Variants in XRN2 observed in about 807,000 individuals in gnomAD.
XRN2 encodes 5'-3' exoribonuclease 2.
Under a neutral mutation model 138.5 loss-of-function variants are expected in XRN2, and 44 were observed. The observed-to-expected ratio is 0.32, with a 90% confidence interval of 0.25 to 0.41. The LOEUF is 0.41. XRN2 is among the 10% of genes least tolerant of loss of function. XRN2 has a pLI of 1.00. For synonymous variants in XRN2, 354 were observed against 369.4 expected (o/e 0.96, Z 0.48); for missense variants, 937 against 1,169.3 (o/e 0.80, Z 2.90).
intron 20 of XRN2, 90 bp downstream of exon 20, chr20:21,349,551 T>G (rs2038480487): frequency 8.3e-6 from 9 of 1,080,146 alleles, no homozygotes; most frequent in Non-Finnish European, 8.2e-6. Context: ...TATTTTAGCC[T>G]GGGCAACATG....
chr20:21,331,339 T>TCA (rs943684930), intron 6 of XRN2, among the ~76,000 whole-genome samples: 63 of 151,196 alleles, frequency 4.2e-4, no homozygotes, highest in Non-Finnish European at 7.5e-4. Flanking sequence ...TTGGTGTCTC[T>TCA]CACACACACA....
chr20:21,304,532 G>GC (rs2037788482), intron 1 of XRN2, among the ~76,000 whole-genome samples: 1 of 152,002 alleles, frequency 6.6e-6, no homozygotes, highest in Non-Finnish European at 1.5e-5. Context: ...TAAACAAAAA[G>GC]CAACAGTTCT....
rs2038728171 is a variant in XRN2, at chr20:21,368,518, C to T, written c.2512C>T (p.Pro838Ser). 13 of 1,613,940 alleles carry T rather than the reference C, an allele frequency of 8.1e-6. No homozygotes were observed. Among genetic ancestry groups the T allele is most frequent in the Non-Finnish European group, 1.0e-5 (12 of 1,179,970 alleles). The change falls in exon 27 of 30, where the codon CCT (proline) becomes TCT (serine). Residue 838 changes from proline (P) to serine (S), a missense_variant. Pro to Ser is a moderately conservative substitution (Grantham distance 74, BLOSUM62 -1). Around this residue, in one of 6 missense-constraint regions of XRN2, gnomAD observed 372 missense variants for 414.4 expected, o/e 0.90. Coordinates refer to ENST00000377191, the MANE Select transcript of XRN2 (RefSeq NM_012255.5). The stretch of plus-strand genomic sequence containing the variant: ...CATTTACAGCAATGCTGCACCACCA[C>T]CTGTGACTTACCAGGGAAACTTATA... ...TGIYSNAAPP[P>S]VTYQGNLYRP...
chr20:21,334,187 T>G lies in XRN2; in HGVS notation c.1233+2T>G. 6.2e-7 allele frequency: 1 copy of G among 1,611,346 alleles called. No individual in the cohort carries two copies. The highest frequency in any genetic ancestry group is 8.5e-7 in the Non-Finnish European group (1 of 1,178,428). On this transcript the variant is annotated splice_donor_variant, in intron 13 of 29. Transcript: ENST00000377191. LOFTEE classifies it high-confidence loss of function. ...TTTAAAAAGAGAAAGGATGATGAGG[T>G]AAAGTGTTTCTATTGCAGTAGCTAA...
At chr20:21,351,136 T>G (rs1600700831) in intron 20 of XRN2, among the ~76,000 whole-genome samples, 2 of 152,340 alleles carry the variant, frequency 1.3e-5, no homozygotes, top group East Asian at 1.9e-4. Flanking sequence ...AGGTGACTTG[T>G]CAACTCTGTC....
chr20:21,379,767 C>T (rs1226151961), intron 27 of XRN2, among the ~76,000 whole-genome samples: 1 of 152,188 alleles, frequency 6.6e-6, no homozygotes, highest in Non-Finnish European at 1.5e-5. Flanking sequence ...GTAAACTTTA[C>T]ATTCCAGTTC....
At chr20:21,368,691 C>T in intron 27 of XRN2, 101 bp downstream of exon 27, 1 of 1,458,986 alleles carries the variant, frequency 6.9e-7, no homozygotes, top group Non-Finnish European at 9.2e-7. Context: ...TGTATCAGTG[C>T]AGACAGTGAA....
intron 1 of XRN2, among the ~76,000 whole-genome samples, chr20:21,321,388 T>G (rs2038042712): frequency 6.7e-6 from 1 of 150,332 alleles, no homozygotes; most frequent in Non-Finnish European, 1.5e-5. Flanking sequence ...AGTGCAGTAG[T>G]GGCACAATCA....
chr20:21,384,921 T>A (rs1420602174), intron 28 of XRN2, among the ~76,000 whole-genome samples: 1 of 152,260 alleles, frequency 6.6e-6, no homozygotes, highest in South Asian at 2.1e-4. Flanking sequence ...TCTAGACATG[T>A]GATAAACTTG....
intron 4 of XRN2, among the ~76,000 whole-genome samples, chr20:21,329,856 G>GGTGTGTGTGTGT (rs60020864): frequency 1.4e-4 from 20 of 145,912 alleles, no homozygotes; most frequent in African/African-American, 4.3e-4. Context: ...GCCTCTAACT[G>GGTGTGTGTGTGT]GTGTGTGTGT....
chr20:21,331,450 A>T, intron 6 of XRN2, 111 bp from the exon 7 acceptor site: 1 of 881,880 alleles, frequency 1.1e-6, no homozygotes, highest in Non-Finnish European at 1.8e-6. Flanking sequence ...CTTATTCAGA[A>T]AATTTTCCCG....
intron 20 of XRN2, among the ~76,000 whole-genome samples, chr20:21,353,935 G>A (rs1311047222): frequency 2.6e-5 from 4 of 152,114 alleles, no homozygotes; most frequent in African/African-American, 9.7e-5. Context: ...AAATAACAGT[G>A]GTTTTGAGTA....
At chr20:21,370,984 C>T (rs1438945089) in intron 27 of XRN2, among the ~76,000 whole-genome samples, 2 of 152,058 alleles carry the variant, frequency 1.3e-5, no homozygotes, top group African/African-American at 2.4e-5. Context: ...AAGATGCTCA[C>T]GTTTGTTAAA....
intron 1 of XRN2, among the ~76,000 whole-genome samples, chr20:21,318,517 AT>A (rs528888293): frequency 1.2e-4 from 18 of 149,238 alleles, no homozygotes; most frequent in African/African-American, 3.4e-4. Context: ...TTGATTTGAG[AT>A]TTTTTTTTTA....
At chr20:21,332,555 A>T in intron 9 of XRN2, 115 bp downstream of exon 9, 1 of 1,068,812 alleles carries the variant, frequency 9.4e-7, no homozygotes, top group Non-Finnish European at 1.3e-6. Flanking sequence ...AAATAGCATT[A>T]AATATTTGAG....
intron 14 of XRN2, 72 bp from the exon 15 acceptor site, chr20:21,340,649 C>T (rs2038359360): frequency 4.5e-6 from 7 of 1,541,972 alleles, no homozygotes; most frequent in South Asian, 2.4e-5. Flanking sequence ...TTCCATTGCC[C>T]TTCTTTCCTT....
intron 20 of XRN2, among the ~76,000 whole-genome samples, chr20:21,350,525 C>CA (rs11484426): frequency 0.41 from 24,372 of 58,956 alleles, 8,526 homozygotes; most frequent in East Asian, 0.57. Flanking sequence ...GACTCCGTCT[C>CA]AAAAAAAAAA....
intron 4 of XRN2, among the ~76,000 whole-genome samples, chr20:21,329,031 A>G (rs188587606): frequency 2.4e-3 from 365 of 152,264 alleles, no homozygotes; most frequent in Middle Eastern, 0.014. Flanking sequence ...TCAGAAAGCT[A>G]TAGTGCTGTA....
intron 24 of XRN2, among the ~76,000 whole-genome samples, chr20:21,359,216 A>G (rs1018312892): frequency 7.2e-5 from 11 of 152,096 alleles, no homozygotes; most frequent in African/African-American, 2.2e-4. Context: ...TTTAGTACAT[A>G]CTATGTTCAC....
Sources: allele counts gnomAD v4.1 joint callset (sites outside exome capture counted in the v4.1 genomes callset), GRCh38; gene constraint gnomAD v4.1.1; regional missense constraint gnomAD v4.1.1; transcripts MANE v1.5; gene names NCBI Gene and HGNC (gene_info 2026-07-23, HGNC 2026-07-21).